The following FARS2 variants were observed in gnomAD, a reference collection of about 807,000 sequenced individuals.
FARS2 encodes the protein phenylalanyl-tRNA synthetase 2, mitochondrial.
FARS2 carries 40 observed loss-of-function variants against 46.4 expected under a neutral mutation model. The ratio of observed to expected loss-of-function variants is 0.86; its 90% CI spans 0.67 to 1.12. The LOEUF is 1.12. Ranked by LOEUF, FARS2 falls within the 50% of genes most tolerant of loss-of-function variation. The pLI, the probability that FARS2 is intolerant of heterozygous loss-of-function variation, is 0.00. For synonymous variants in FARS2, 234 were observed against 214.9 expected (o/e 1.09, Z -0.78); for missense variants, 513 against 567.9 (o/e 0.90, Z 0.98).
chr6:5,515,901 TAC>T (rs1768756903), intron 4 of FARS2, among the ~76,000 whole-genome samples: 1 of 152,250 alleles, frequency 6.6e-6, no homozygotes, highest in Non-Finnish European at 1.5e-5. Context: ...TCATATTAAT[TAC>T]ATTTGTTACA....
At chr6:5,604,975 GT>G (rs896067891) in intron 5 of FARS2, among the ~76,000 whole-genome samples, 1 of 152,116 alleles carries the variant, frequency 6.6e-6, no homozygotes, top group Non-Finnish European at 1.5e-5. Context: ...ATTTGAATCT[GT>G]TTTCATATCC....
At chr6:5,769,323 T>C (rs1762910576) in intron 6 of FARS2, among the ~76,000 whole-genome samples, 1 of 152,216 alleles carries the variant, frequency 6.6e-6, no homozygotes, top group Non-Finnish European at 1.5e-5. Flanking sequence ...GGGTCAGCAC[T>C]TGGTGGCAGC....
rs539476900 is a variant in FARS2 at position 5,613,257 on chromosome 6, T to C, written c.1154T>C (p.Val385Ala). The change falls in exon 6 of 7, where the codon GTC (valine) becomes GCC (alanine). Residue 385 changes from valine (V) to alanine (A), a missense_variant. By Grantham distance (64) the Val-to-Ala change is moderately conservative (BLOSUM62 0). Transcript: ENST00000274680. Reference sequence around the variant, plus strand: ...GCAGAAAATGATTTCTATGACTTAGTCCGAACAATTGGAGGAGACCTGGTG... The same window carrying C: ...GCAGAAAATGATTTCTATGACTTAGCCCGAACAATTGGAGGAGACCTGGTG... ...NYAENDFYDL[V>A]RTIGGDLVEK... The C allele has an allele frequency of 6.2e-7, 1 of 1,613,624 alleles. No individual in the cohort carries two copies. Among genetic ancestry groups the C allele is most frequent in the South Asian group, 1.1e-5 (1 of 91,056 alleles).
chr6:5,257,723 A>C (rs1405768156), upstream of FARS2, among the ~76,000 whole-genome samples: 1 of 152,164 alleles, frequency 6.6e-6, no homozygotes, highest in Non-Finnish European at 1.5e-5. Flanking sequence ...TGAGAATCTA[A>C]TGCCTGATGA....
At chr6:5,519,863 TG>T (rs1292505642) in intron 4 of FARS2, among the ~76,000 whole-genome samples, 8 of 152,204 alleles carry the variant, frequency 5.3e-5, no homozygotes, top group African/African-American at 1.9e-4. Context: ...ATTGAGAAAG[TG>T]GTTGATGAAT....
At chr6:5,271,471 C>T (rs1172139893) in intron 1 of FARS2, among the ~76,000 whole-genome samples, 2 of 151,594 alleles carry the variant, frequency 1.3e-5, no homozygotes, top group Non-Finnish European at 2.9e-5. Flanking sequence ...GAACAAAGTT[C>T]ACTAGAGCAA....
chr6:5,741,331 G>A (rs1257724705), intron 6 of FARS2, among the ~76,000 whole-genome samples: 4 of 152,228 alleles, frequency 2.6e-5, no homozygotes, highest in Non-Finnish European at 4.4e-5. Context: ...GATGCTATGG[G>A]AATGGAGAGC....
intron 3 of FARS2, among the ~76,000 whole-genome samples, chr6:5,412,853 A>G (rs905973360): frequency 2.6e-5 from 4 of 151,746 alleles, no homozygotes; most frequent in Non-Finnish European, 4.4e-5. Context: ...CAGTTGTTGC[A>G]TTCAAGCAAT....
In FARS2 at chr6:5,486,629, G is replaced by A. The variant is rs374675464; in HGVS notation, c.904+55457G>A. The stretch of plus-strand genomic sequence containing the variant: ...TTCTCTTTCAATACTAGTATATTTT[G>A]TTGCTGAACAACAGGACTTTTAAAA... On this transcript the variant is annotated intron_variant, in intron 4 of 6. Transcript: ENST00000274680. 1.5e-4 allele frequency among the ~76,000 whole-genome samples: 23 copies of A among 152,300 alleles called. No homozygotes were observed. The East Asian group carries it at 3.1e-3, about 20-fold the overall frequency.
the FARS2 span, among the ~76,000 whole-genome samples, chr6:5,253,009 C>T: frequency 6.6e-6 from 1 of 152,176 alleles, no homozygotes; most frequent in African/African-American, 2.4e-5. Flanking sequence ...CTTAGGAGAC[C>T]AGCTCCTTTC....
intron 4 of FARS2, among the ~76,000 whole-genome samples, chr6:5,513,792 G>T (rs910460239): frequency 5.9e-5 from 9 of 152,114 alleles, no homozygotes; most frequent in Non-Finnish European, 1.2e-4. Context: ...AGAGTTTATT[G>T]CTGTCTAAGT....
intron 1 of FARS2, among the ~76,000 whole-genome samples, chr6:5,295,965 A>C (rs1767828713): frequency 6.6e-6 from 1 of 152,138 alleles, no homozygotes; most frequent in Non-Finnish European, 1.5e-5. Flanking sequence ...GTAAGATAGC[A>C]GTGATACCAT....
At chr6:5,282,187 A>G (rs1275525487) in intron 1 of FARS2, among the ~76,000 whole-genome samples, 1 of 152,202 alleles carries the variant, frequency 6.6e-6, no homozygotes, top group Non-Finnish European at 1.5e-5. Flanking sequence ...TTTCAAGGAA[A>G]GTGTTACCTT....
rs566461477 is a variant in FARS2, at chr6:5,340,825, G to A, written c.-21-27725G>A. On this transcript the variant is annotated intron_variant, in intron 1 of 6. Transcript: ENST00000274680. ...TGCGGGGAGGAGGAACCATCTGCCT[G>A]GGGGCTTGACAGGGAATAGAAGACA... Among the ~76,000 whole-genome samples, 3 of 152,026 alleles carry A rather than the reference G, an allele frequency of 2.0e-5. No individual in the cohort carries two copies. The South Asian group carries it at 6.3e-4, about 32-fold the overall frequency.
At chr6:5,414,716 T>C (rs187448581) in intron 3 of FARS2, among the ~76,000 whole-genome samples, 107 of 152,182 alleles carry the variant, frequency 7.0e-4, no homozygotes, top group Non-Finnish European at 1.1e-3. Context: ...GAAGCTTCTA[T>C]AAATATTTGT....
At chr6:5,730,914 A>G (rs1760579149) in intron 6 of FARS2, among the ~76,000 whole-genome samples, 1 of 152,220 alleles carries the variant, frequency 6.6e-6, no homozygotes, top group Non-Finnish European at 1.5e-5. Context: ...ACTGGAACAC[A>G]GCAAGGTTGA....
chr6:5,707,284 A>T (rs1339352383), intron 6 of FARS2, among the ~76,000 whole-genome samples: 2 of 152,244 alleles, frequency 1.3e-5, no homozygotes, highest in African/African-American at 4.8e-5. Context: ...ACCAACCATT[A>T]TTCCAATATT....
At chr6:5,397,071 A>G (rs1760949164) in intron 2 of FARS2, among the ~76,000 whole-genome samples, 2 of 152,206 alleles carry the variant, frequency 1.3e-5, no homozygotes, top group Non-Finnish European at 2.9e-5. Flanking sequence ...GAAGTAGAAA[A>G]TACAATCTCA....
chr6:5,353,285 C>G (rs1218794297), intron 1 of FARS2, among the ~76,000 whole-genome samples: 2 of 152,080 alleles, frequency 1.3e-5, no homozygotes, highest in Non-Finnish European at 2.9e-5. Flanking sequence ...TCCACATTTT[C>G]CTTATTCACT....
Sources: gnomAD v4.1 joint callset for allele counts (sites outside exome capture counted in the v4.1 genomes callset) on GRCh38, gnomAD v4.1.1 for gene constraint, MANE v1.5 for transcripts, NCBI Gene and HGNC (gene_info 2026-07-23, HGNC 2026-07-21) for gene names.